The following PYGO1 variants were observed in gnomAD, a reference collection of about 807,000 sequenced individuals.
PYGO1 encodes the protein pygopus homolog 1.
Under a neutral mutation model 29.5 loss-of-function variants are expected in PYGO1, and 6 were observed. The ratio of observed to expected loss-of-function variants is 0.20; its 90% confidence interval spans 0.11 to 0.40. PYGO1 has a LOEUF of 0.40. Among genes scored for constraint, PYGO1 ranks in the 10% least tolerant of loss-of-function variants. The pLI is 1.00. For missense variants in PYGO1, 515 were observed against 514.9 expected, an observed-to-expected ratio of 1.00 and a Z score of 0.00; for synonymous variants, 186 against 180.5, an observed-to-expected ratio of 1.03 and a Z score of -0.24.
At position 55,559,551 on chromosome 15, in the gene PYGO1, T is replaced by C. The variant is rs561012236; in HGVS notation, c.50-10556A>G. 7.7e-4 allele frequency among the ~76,000 whole-genome samples: 117 copies of C among 152,308 alleles called. 2 individuals are homozygous for C. Among genetic ancestry groups the C allele is most frequent in the African/African-American group, 2.8e-3 (116 of 41,574 alleles). On this transcript the variant is annotated intron_variant, in intron 1 of 2. Coordinates refer to ENST00000563719, the MANE Select transcript of PYGO1 (RefSeq NM_001367806.1). ...CACACGTATGTTTACTGCAGCACTA[T>C]TCACAATAGCAAAGACTTGGAACCA...
Position 55,546,221 on chromosome 15 carries a change from C to T in PYGO1, c.1062G>A (p.Gln354=), listed in dbSNP as rs746563853. ...AAGAGGCCTCACATAAGATGGCATC[C>T]TGATCATCGTTCACCTCGTTTGTAC... ...GICTNEVNDD[Q]DAILCEASCQ... The change falls in exon 3 of 3, where the codon CAG becomes CAA. Residue 354 remains glutamine, a synonymous_variant. Transcript: ENST00000563719. 6.2e-7 allele frequency: 1 copy of T among 1,614,176 alleles called. No individual in the cohort carries two copies. The highest frequency in any genetic ancestry group is 1.6e-4 in the Middle Eastern group (1 of 6,062).
intron 2 of PYGO1, among the ~76,000 whole-genome samples, chr15:55,548,577 G>A (rs1263274168): frequency 4.0e-5 from 6 of 151,200 alleles, no homozygotes; most frequent in African/African-American, 7.3e-5. Context: ...ATGGTGGCGC[G>A]TGCCTGTAAT....
At chr15:55,573,332 A>G (rs368041552) in intron 1 of PYGO1, among the ~76,000 whole-genome samples, 10 of 152,060 alleles carry the variant, frequency 6.6e-5, no homozygotes, top group African/African-American at 2.4e-4. Context: ...AAAGAGAGAC[A>G]AGAGATAGCA....
chr15:55,548,707 TAAAAAAAAAAA>T (rs60796044), intron 2 of PYGO1, among the ~76,000 whole-genome samples, 192 bp downstream of exon 2: 17 of 55,442 alleles, frequency 3.1e-4, no homozygotes, highest in East Asian at 2.7e-3. Context: ...AGAATCCACC[TAAAAAAAAAAA>T]AAAAAAAAAA....
intron 1 of PYGO1, among the ~76,000 whole-genome samples, chr15:55,579,271 C>T (rs2059016447): frequency 6.6e-6 from 1 of 152,022 alleles, no homozygotes; most frequent in African/African-American, 2.4e-5. Context: ...ATCTGAATAC[C>T]TTGAGATGGT....
At position 55,542,345 on chromosome 15, in the gene PYGO1, C is replaced by T. The variant is rs2058831282; in HGVS notation, c.*3678G>A. 1 of 152,152 alleles carries T rather than the reference C, an allele frequency of 6.6e-6. No homozygotes were observed. The highest frequency in any genetic ancestry group is 2.4e-5 in the African/African-American group (1 of 41,438). 9.4% of individuals were successfully genotyped at this position (152,152 alleles called of 1,614,324 possible). On this transcript the variant is annotated 3_prime_UTR_variant, in exon 3 of 3. Coordinates refer to ENST00000563719, the MANE Select transcript of PYGO1 (RefSeq NM_001367806.1). Reference sequence around the variant, plus strand: ...AACAAACCACCAAAAAAGTAGATTTCTTTACACTGTGTTTATGAAGAATAA... The same window carrying T: ...AACAAACCACCAAAAAAGTAGATTTTTTTACACTGTGTTTATGAAGAATAA...
chr15:55,569,007 T>G (rs1403686300), intron 1 of PYGO1, among the ~76,000 whole-genome samples: 1 of 152,136 alleles, frequency 6.6e-6, no homozygotes, highest in Non-Finnish European at 1.5e-5. Flanking sequence ...TTTTGTTAAG[T>G]ATGTTTACAT....
intron 2 of PYGO1, among the ~76,000 whole-genome samples, 186 bp downstream of exon 2, chr15:55,548,707 TAAAAAAAAAAAAAAAAA>T (rs60796044): frequency 0.014 from 764 of 55,356 alleles, 6 homozygotes; most frequent in African/African-American, 0.06. Flanking sequence ...AGAATCCACC[TAAAAAAAAAAAAAAAAA>T]AAAAAAAAAA....
At chr15:55,555,761 C>G (rs111843279) in intron 1 of PYGO1, among the ~76,000 whole-genome samples, 1 of 152,006 alleles carries the variant, frequency 6.6e-6, no homozygotes. Context: ...TAAGTCTCAT[C>G]GTTATGCTGT....
chr15:55,562,763 A>T (rs2058938452), intron 1 of PYGO1, among the ~76,000 whole-genome samples: 1 of 152,202 alleles, frequency 6.6e-6, no homozygotes, highest in African/African-American at 2.4e-5. Flanking sequence ...CATCAATGAT[A>T]AAGAAAATGT....
intron 1 of PYGO1, 29 bp downstream of exon 1, chr15:55,587,806 T>TC: frequency 6.8e-7 from 1 of 1,477,150 alleles, no homozygotes; most frequent in East Asian, 2.9e-5. Flanking sequence ...TCACCCCGGT[T>TC]CCCCCAATCC....
At chr15:55,564,631 G>T (rs1488631327) in intron 1 of PYGO1, among the ~76,000 whole-genome samples, 1 of 152,126 alleles carries the variant, frequency 6.6e-6, no homozygotes, top group African/African-American at 2.4e-5. Flanking sequence ...ACAAAAGAGA[G>T]AAACAAAGAA....
At chr15:55,568,995 T>G (rs1008618158) in intron 1 of PYGO1, among the ~76,000 whole-genome samples, 7 of 152,160 alleles carry the variant, frequency 4.6e-5, no homozygotes, top group Admixed American at 3.9e-4. Flanking sequence ...GGTTTGCTAG[T>G]ATTTTGTTAA....
chr15:55,583,394 C>G (rs978477833), intron 1 of PYGO1, among the ~76,000 whole-genome samples: 2 of 151,014 alleles, frequency 1.3e-5, no homozygotes, highest in African/African-American at 4.9e-5. Context: ...AAAAAAGACT[C>G]ATATTTTCTC....
Position 55,585,588 on chromosome 15 carries a change from T to C in PYGO1, c.49+2247A>G, listed in dbSNP as rs143685257. Among the ~76,000 whole-genome samples the C allele has an allele frequency of 4.9e-3, 744 of 152,348 alleles. 8 individuals carry two copies. Among genetic ancestry groups the C allele is most frequent in the African/African-American group, 0.017 (703 of 41,582 alleles). ...TTTTTATTTTAAAAAGTGTTTTGTC[T>C]TTTATTCTGGTACTTAACTCTCAGA... On this transcript the variant is annotated intron_variant, in intron 1 of 2. Coordinates refer to ENST00000563719, the MANE Select transcript of PYGO1 (RefSeq NM_001367806.1).
intron 1 of PYGO1, among the ~76,000 whole-genome samples, chr15:55,550,148 T>A (rs2058872296): frequency 1.3e-5 from 2 of 152,206 alleles, no homozygotes; most frequent in South Asian, 4.1e-4. Flanking sequence ...TTCCATAGAT[T>A]ACAACTGGTT....
chr15:55,540,919 C>A lies in PYGO1; in HGVS notation c.*5104G>T, dbSNP rs1347351152. On this transcript the variant is annotated 3_prime_UTR_variant, in exon 3 of 3. Transcript: ENST00000563719. ...AGAAATAGTTTTAATATGAAACAAT[C>A]ATTTAAGTCACATACATCATGATAA... The A allele has an allele frequency of 6.6e-6, 1 of 152,132 alleles. No individual in the cohort carries two copies. Among genetic ancestry groups the A allele is most frequent in the Non-Finnish European group, 1.5e-5 (1 of 68,018 alleles). 9.4% of individuals were successfully genotyped at this position (152,132 alleles called of 1,614,324 possible).
chr15:55,553,461 C>A (rs1051646834), intron 1 of PYGO1, among the ~76,000 whole-genome samples: 15 of 151,728 alleles, frequency 9.9e-5, no homozygotes, highest in African/African-American at 3.6e-4. Flanking sequence ...AGTGGCGTAG[C>A]CTTGGCTCAC....
At chr15:55,552,722 G>C (rs1469584361) in intron 1 of PYGO1, among the ~76,000 whole-genome samples, 1 of 152,128 alleles carries the variant, frequency 6.6e-6, no homozygotes. Context: ...ATACAGAGCT[G>C]TGTATGCAGA....
Sources: allele counts gnomAD v4.1 joint callset (sites outside exome capture counted in the v4.1 genomes callset), GRCh38; gene constraint gnomAD v4.1.1; transcripts MANE v1.5; gene names NCBI Gene and HGNC (gene_info 2026-07-23, HGNC 2026-07-21).